The following FAM20C variants were observed in gnomAD, a reference collection of about 807,000 sequenced individuals.
The protein encoded by FAM20C is FAM20C golgi associated secretory pathway kinase.
A neutral mutation model predicts 51.5 loss-of-function variants in FAM20C; 40 were observed. The observed-to-expected ratio is 0.78, with a 90% CI of 0.60 to 1.01. The LOEUF is 1.01. FAM20C is among the 50% of genes least tolerant of loss of function. FAM20C has a pLI of 0.00. For synonymous variants in FAM20C, 406 were observed against 380.6 expected, an observed-to-expected ratio of 1.07 and a Z score of -0.78; for missense variants, 861 against 844.7, an observed-to-expected ratio of 1.02 and a Z score of -0.24.
intron 6 of FAM20C, 121 bp downstream of exon 6, chr7:256,150 G>A: frequency 8.1e-7 from 1 of 1,236,108 alleles, no homozygotes; most frequent in Non-Finnish European, 1.1e-6. Context: ...AGCCTGCTGT[G>A]CGATGCTGGC....
chr7:253,554 C>G (rs1246762237), intron 5 of FAM20C, among the ~76,000 whole-genome samples: 1 of 152,222 alleles, frequency 6.6e-6, no homozygotes, highest in African/African-American at 2.4e-5. Context: ...CAGAAAGCCC[C>G]CACTCCAAGT....
chr7:246,434 A>T lies in FAM20C; in HGVS notation c.883A>T (p.Thr295Ser). 1 of 1,536,650 alleles carries T rather than the reference A, an allele frequency of 6.5e-7. No homozygotes were observed. The highest frequency in any genetic ancestry group is 8.7e-7 in the Non-Finnish European group (1 of 1,146,652). Residue 295 changes from threonine to serine, a missense_variant, in exon 4 of 10, where the codon ACA becomes TCA. Physicochemically the swap from Thr to Ser is moderately conservative, Grantham distance 58. This residue lies in a region of FAM20C where 561 missense variants were observed against 499.8 expected (regional missense o/e 1.12). Coordinates refer to ENST00000313766, the MANE Select transcript of FAM20C (RefSeq NM_020223.4). ...TCTCAGACAAACGAGGGAGCAGGAG[A>T]CACCCCCTGACTTTTTTTATTTCTC... ...KPMKQTREQE[T>S]PPDFFYFSDY...
intron 6 of FAM20C, 34 bp downstream of exon 6, chr7:256,063 A>G: frequency 6.5e-7 from 1 of 1,526,940 alleles, no homozygotes; most frequent in Non-Finnish European, 8.8e-7. Flanking sequence ...GCGTCCGGCC[A>G]CCCTACGGCA....
intron 3 of FAM20C, among the ~76,000 whole-genome samples, chr7:226,723 T>G (rs1787464035): frequency 6.6e-6 from 1 of 152,184 alleles, no homozygotes; most frequent in South Asian, 2.1e-4. Flanking sequence ...CCTGATGATT[T>G]ACTGGTGGCC....
At chr7:224,307 G>C (rs1333644784) in intron 3 of FAM20C, among the ~76,000 whole-genome samples, 6 of 33,458 alleles carry the variant, frequency 1.8e-4, no homozygotes, top group Non-Finnish European at 4.4e-4. Context: ...GAATGGCACC[G>C]TCACGGGGGT....
chr7:253,583 C>G (rs1408676287), intron 5 of FAM20C, among the ~76,000 whole-genome samples: 2 of 152,224 alleles, frequency 1.3e-5, no homozygotes, highest in African/African-American at 4.8e-5. Context: ...GCCTTCGTTA[C>G]CTGGACAGCT....
intron 1 of FAM20C, among the ~76,000 whole-genome samples, chr7:194,523 AC>A (rs375780337): frequency 2.3e-3 from 343 of 152,084 alleles, no homozygotes; most frequent in African/African-American, 8.1e-3. Context: ...GCCGAAGGTT[AC>A]CCCAGCAGCA....
At chr7:255,768 C>T in intron 5 of FAM20C, 81 bp from the exon 6 acceptor site, 1 of 1,476,450 alleles carries the variant, frequency 6.8e-7, no homozygotes, top group Non-Finnish European at 9.1e-7. Context: ...CAGAGCCCGG[C>T]CCGGCCTTGG....
At chr7:217,534 G>C (rs1455504425) in intron 3 of FAM20C, among the ~76,000 whole-genome samples, 1 of 96,184 alleles carries the variant, frequency 1.0e-5, no homozygotes, top group African/African-American at 3.9e-5. Context: ...CTTGGCTTGA[G>C]GTTAGGTGTG....
intron 8 of FAM20C, chr7:257,431 G>A: frequency 4.2e-6 from 1 of 239,594 alleles, no homozygotes; most frequent in South Asian, 8.4e-5. Flanking sequence ...CCTGGAGCCA[G>A]CCAGCGGGGG....
At chr7:251,454 G>T (rs1187117070) in intron 5 of FAM20C, among the ~76,000 whole-genome samples, 1 of 152,120 alleles carries the variant, frequency 6.6e-6, no homozygotes, top group Non-Finnish European at 1.5e-5. Context: ...GCAGGTCTAG[G>T]CTGCAGTGAG....
At chr7:232,322 G>A (rs1369003209) in intron 3 of FAM20C, among the ~76,000 whole-genome samples, 4 of 152,168 alleles carry the variant, frequency 2.6e-5, no homozygotes, top group Admixed American at 6.5e-5. Flanking sequence ...TGGAGAGAAC[G>A]CGGCCCAGCC....
intron 3 of FAM20C, among the ~76,000 whole-genome samples, chr7:243,931 T>TATTTAG (rs1788038403): frequency 8.0e-6 from 1 of 125,084 alleles, no homozygotes; most frequent in Non-Finnish European, 1.8e-5. Context: ...ATAATAATAA[T>TATTTAG]AATAATAATA....
chr7:256,887 C>A, intron 7 of FAM20C, 118 bp from the exon 8 acceptor site: 2 of 1,409,676 alleles, frequency 1.4e-6, no homozygotes, highest in Non-Finnish European at 1.9e-6. Flanking sequence ...TGTGAAGGGG[C>A]CAGATTGCTT....
intron 3 of FAM20C, among the ~76,000 whole-genome samples, chr7:223,203 C>T (rs1787318589): frequency 6.6e-6 from 1 of 152,136 alleles, no homozygotes; most frequent in South Asian, 2.1e-4. Context: ...GAGCTCCCTT[C>T]TGTCCAAAGC....
In FAM20C at chr7:208,995, G is replaced by A; in HGVS notation, c.863+19G>A. Reference sequence around the variant, plus strand: ...CCATGAAGTAAGTGCCGAGGCCTGTGGGCTGGGGCGTGAGGAGCTGGAGCT... The same window carrying A: ...CCATGAAGTAAGTGCCGAGGCCTGTAGGCTGGGGCGTGAGGAGCTGGAGCT... On this transcript the variant is annotated intron_variant, in intron 3 of 9. Transcript: ENST00000313766. The A allele has an allele frequency of 6.4e-7, 1 of 1,567,228 alleles. No individual in the cohort carries two copies. The highest frequency in any genetic ancestry group is 8.6e-7 in the Non-Finnish European group (1 of 1,156,074).
chr7:211,293 C>T (rs1243690227), intron 3 of FAM20C, among the ~76,000 whole-genome samples: 1 of 150,222 alleles, frequency 6.7e-6, no homozygotes, highest in East Asian at 2.0e-4. Flanking sequence ...TGAGCCTCCC[C>T]TTAGACATCT....
chr7:200,869 C>T lies in FAM20C; in HGVS notation c.784+5137C>T, dbSNP rs369048276. ...TGCAGGCTCCCAGCTCTTCCAGCCC[C>T]TTACCTCGCAGTAGGTTCCCACAGT... On this transcript the variant is annotated intron_variant, in intron 2 of 9. Transcript: ENST00000313766. Among the ~76,000 whole-genome samples, 3 of 152,308 alleles carry T rather than the reference C, an allele frequency of 2.0e-5. No individual in the cohort carries two copies. In the East Asian group the frequency reaches 5.8e-4, roughly 29 times the overall value.
At chr7:222,882 G>C (rs202083779) in intron 3 of FAM20C, among the ~76,000 whole-genome samples, 1 of 151,820 alleles carries the variant, frequency 6.6e-6, no homozygotes, top group Admixed American at 6.5e-5. Context: ...GTGCGTGTGT[G>C]ACGTGTACAT....
Sources: allele counts gnomAD v4.1 joint callset (sites outside exome capture counted in the v4.1 genomes callset), GRCh38; gene constraint gnomAD v4.1.1; regional missense constraint gnomAD v4.1.1; transcripts MANE v1.5; gene names NCBI Gene and HGNC (gene_info 2026-07-23, HGNC 2026-07-21).